MACROD2: variants seen among roughly 807,000 people sequenced by gnomAD.
MACROD2 encodes the protein mono-ADP ribosylhydrolase 2, also known as ADP-ribose glycohydrolase MACROD2.
A neutral mutation model predicts 70.4 loss-of-function variants in MACROD2; 36 were observed. The observed-to-expected ratio is 0.51, with a 90% CI of 0.39 to 0.68. MACROD2 has a LOEUF of 0.68. MACROD2 is among the 30% of genes least tolerant of loss of function. The pLI, the probability that MACROD2 is intolerant of heterozygous loss-of-function variation, is 0.00. For synonymous variants in MACROD2, 172 were observed against 178.8 expected (o/e 0.96, Z 0.30); for missense variants, 496 against 538.4 (o/e 0.92, Z 0.78).
intron 8 of MACROD2, among the ~76,000 whole-genome samples, chr20:15,560,843 A>G (rs1199607911): frequency 2.0e-5 from 3 of 149,542 alleles, no homozygotes; most frequent in Admixed American, 6.7e-5. Flanking sequence ...ATTCTTGGAC[A>G]CATAATTTTG....
At chr20:15,805,550 C>T (rs905471054) in intron 8 of MACROD2, among the ~76,000 whole-genome samples, 14 of 151,616 alleles carry the variant, frequency 9.2e-5, no homozygotes, top group African/African-American at 3.4e-4. Context: ...GATCTCGGCT[C>T]ACCACAACCT....
chr20:14,582,529 C>T (rs574055346), intron 4 of MACROD2, among the ~76,000 whole-genome samples: 1 of 152,158 alleles, frequency 6.6e-6, no homozygotes, highest in East Asian at 1.9e-4. Flanking sequence ...TTTATAGACT[C>T]AAGCCACATA....
chr20:15,974,827 G>A (rs1431028637), intron 13 of MACROD2, among the ~76,000 whole-genome samples: 1 of 152,052 alleles, frequency 6.6e-6, no homozygotes, highest in African/African-American at 2.4e-5. Context: ...ACACAGGATG[G>A]TATGCATATG....
rs552308094 is a variant in MACROD2 at position 14,462,121 on chromosome 20, A to G, written c.272-31358A>G. ...GAGGAGTCGCCACACCGACTTCCAC[A>G]ATGGTTGAACTAGTTTACAGTCCCA... On this transcript the variant is annotated intron_variant, in intron 3 of 17. Transcript: ENST00000684519. 1.3e-3 allele frequency among the ~76,000 whole-genome samples: 203 copies of G among 152,164 alleles called. 4 individuals carry two copies. Among genetic ancestry groups the G allele is most frequent in the Non-Finnish European group, 1.6e-3 (107 of 68,014 alleles).
intron 3 of MACROD2, among the ~76,000 whole-genome samples, chr20:14,298,664 T>C (rs1201374957): frequency 1.3e-5 from 2 of 151,798 alleles, no homozygotes; most frequent in Middle Eastern, 3.4e-3. Context: ...TTGAAAACTT[T>C]GTAGAGAAAG....
intron 6 of MACROD2, among the ~76,000 whole-genome samples, chr20:15,230,496 A>G (rs1291662267): frequency 2.0e-5 from 3 of 152,174 alleles, no homozygotes; most frequent in African/African-American, 4.8e-5. Context: ...GAATGTGTGC[A>G]TGCATTCTCA....
chr20:14,849,637 C>T (rs752930847), intron 5 of MACROD2, among the ~76,000 whole-genome samples: 9 of 152,062 alleles, frequency 5.9e-5, no homozygotes, highest in South Asian at 2.1e-4. Flanking sequence ...AAAAATTAGC[C>T]GAGTGTGGTG....
At chr20:14,108,066 A>T (rs1252234470) in intron 3 of MACROD2, among the ~76,000 whole-genome samples, 1 of 152,158 alleles carries the variant, frequency 6.6e-6, no homozygotes, top group African/African-American at 2.4e-5. Flanking sequence ...TTTTCAAGAT[A>T]TAGACAGTAC....
At chr20:14,080,830 C>G (rs751950228) in intron 2 of MACROD2, among the ~76,000 whole-genome samples, 1 of 152,192 alleles carries the variant, frequency 6.6e-6, no homozygotes, top group Non-Finnish European at 1.5e-5. Flanking sequence ...ACCTTCCTCA[C>G]TTGGCATCAC....
chr20:15,214,373 GATAC>G (rs1357910978), intron 5 of MACROD2, among the ~76,000 whole-genome samples: 15 of 152,078 alleles, frequency 9.9e-5, no homozygotes, highest in African/African-American at 2.6e-4. Context: ...AGGCCCAGAG[GATAC>G]ATTTGGAAAA....
intron 5 of MACROD2, among the ~76,000 whole-genome samples, chr20:14,833,994 T>G (rs879331638): frequency 6.6e-6 from 1 of 152,074 alleles, no homozygotes; most frequent in Non-Finnish European, 1.5e-5. Flanking sequence ...TTTTAAAAAA[T>G]TAAATTTTCT....
intron 3 of MACROD2, among the ~76,000 whole-genome samples, chr20:14,344,791 A>T (rs900716147): frequency 6.6e-6 from 1 of 152,194 alleles, no homozygotes; most frequent in Admixed American, 6.5e-5. Context: ...AAAGTTATTA[A>T]TTTTTGTTTG....
At chr20:15,054,946 C>CTTTTTTTTTT (rs10673344) in intron 5 of MACROD2, among the ~76,000 whole-genome samples, 4 of 120,754 alleles carry the variant, frequency 3.3e-5, no homozygotes, top group Admixed American at 8.2e-5. Context: ...CCACATCTAG[C>CTTTTTTTTTT]TTTTTTTTTT....
chr20:14,783,914 T>G (rs2072332112), intron 5 of MACROD2, among the ~76,000 whole-genome samples: 1 of 152,106 alleles, frequency 6.6e-6, no homozygotes, highest in Admixed American at 6.5e-5. Flanking sequence ...CTGTTCCTCT[T>G]AGACATTAAG....
intron 8 of MACROD2, among the ~76,000 whole-genome samples, chr20:15,793,360 G>C (rs971763631): frequency 6.6e-6 from 1 of 152,150 alleles, no homozygotes; most frequent in African/African-American, 2.4e-5. Context: ...TGCTGCCTCT[G>C]TTCCAGGCAC....
chr20:15,265,761 C>G (rs950913054), intron 6 of MACROD2, among the ~76,000 whole-genome samples: 1 of 152,076 alleles, frequency 6.6e-6, no homozygotes, highest in African/African-American at 2.4e-5. Flanking sequence ...AGATATTGCT[C>G]TGTTTTGAAT....
intron 8 of MACROD2, among the ~76,000 whole-genome samples, chr20:15,644,978 C>T (rs1051502414): frequency 1.3e-5 from 2 of 152,180 alleles, no homozygotes; most frequent in African/African-American, 4.8e-5. Context: ...CGTGAGCTAC[C>T]ACGCCCAGCC....
At chr20:14,567,377 A>G (rs1395408705) in intron 4 of MACROD2, among the ~76,000 whole-genome samples, 2 of 152,026 alleles carry the variant, frequency 1.3e-5, no homozygotes, top group Non-Finnish European at 2.9e-5. Flanking sequence ...TCAATGATAC[A>G]GTGTTGTATA....
chr20:14,587,505 G>A (rs915952151), intron 4 of MACROD2, among the ~76,000 whole-genome samples: 10 of 151,710 alleles, frequency 6.6e-5, no homozygotes, highest in South Asian at 2.1e-4. Context: ...TTGACATTTC[G>A]TCATTAAAAA....
Sources: gnomAD v4.1 joint callset for allele counts (sites outside exome capture counted in the v4.1 genomes callset) on GRCh38, gnomAD v4.1.1 for gene constraint, MANE v1.5 for transcripts, NCBI Gene and HGNC (gene_info 2026-07-23, HGNC 2026-07-21) for gene names.